Variants in KMT5A observed in about 807,000 individuals in gnomAD.
KMT5A encodes the protein N-lysine methyltransferase KMT5A.
Under a neutral mutation model 40.6 loss-of-function variants are expected in KMT5A, and 6 were observed. That is an observed-to-expected ratio of 0.15 (90% CI 0.08 to 0.29). The LOEUF is 0.29. Among genes scored for constraint, KMT5A ranks in the 10% least tolerant of loss-of-function variants. KMT5A has a pLI of 1.00. For missense variants in KMT5A, 308 were observed against 459.1 expected, an observed-to-expected ratio of 0.67 and a Z score of 3.01; for synonymous variants, 153 against 178.8, an observed-to-expected ratio of 0.86 and a Z score of 1.15.
intron 4 of KMT5A, among the ~76,000 whole-genome samples, chr12:123,395,827 T>G (rs1877680763): frequency 6.6e-6 from 1 of 152,088 alleles, no homozygotes; most frequent in South Asian, 2.1e-4. Flanking sequence ...CCTCCCAAAG[T>G]CCTGGGATTA....
At chr12:123,393,054 T>C (rs1877429143) in intron 3 of KMT5A, among the ~76,000 whole-genome samples, 1 of 152,110 alleles carries the variant, frequency 6.6e-6, no homozygotes, top group African/African-American at 2.4e-5. Context: ...TTTTTTGTAT[T>C]TTCAGTAGAG....
At chr12:123,405,515 T>C (rs28396456) in intron 7 of KMT5A, among the ~76,000 whole-genome samples, 423 of 22,672 alleles carry the variant, frequency 0.019, 144 homozygotes, top group Non-Finnish European at 0.043. Context: ...ATCGCCTGCT[T>C]CCTTTTTTTT....
intron 7 of KMT5A, among the ~76,000 whole-genome samples, chr12:123,406,413 T>C (rs1487201386): frequency 1.3e-5 from 2 of 151,824 alleles, no homozygotes; most frequent in Non-Finnish European, 2.9e-5. Context: ...TTCCGAAGTT[T>C]AAGCAATTCT....
intron 6 of KMT5A, 63 bp downstream of exon 6, chr12:123,403,695 C>T: frequency 6.3e-7 from 1 of 1,599,344 alleles, no homozygotes; most frequent in East Asian, 2.2e-5. Context: ...TTCCCTGGTC[C>T]CGTGGCTGAG....
chr12:123,388,495 C>T (rs557021865), intron 1 of KMT5A: 1 of 152,380 alleles, frequency 6.6e-6, no homozygotes, highest in African/African-American at 2.4e-5. Flanking sequence ...GGCCCCATCA[C>T]TTCCTAGTTC....
chr12:123,407,073 C>T (rs1034481687), intron 7 of KMT5A, among the ~76,000 whole-genome samples: 9 of 146,022 alleles, frequency 6.2e-5, no homozygotes, highest in South Asian at 2.2e-4. Flanking sequence ...CCTGGTGGCT[C>T]GTGCTTGTAA....
At chr12:123,399,484 C>A (rs1877987468) in intron 5 of KMT5A, among the ~76,000 whole-genome samples, 1 of 152,226 alleles carries the variant, frequency 6.6e-6, no homozygotes, top group African/African-American at 2.4e-5. Flanking sequence ...GAAAAACCCC[C>A]ATTCCACTAC....
intron 6 of KMT5A, among the ~76,000 whole-genome samples, chr12:123,404,248 T>C (rs1341471126): frequency 6.6e-6 from 1 of 152,200 alleles, no homozygotes; most frequent in Non-Finnish European, 1.5e-5. Flanking sequence ...AGAAGTACTC[T>C]CTACAGTGGG....
intron 1 of KMT5A, among the ~76,000 whole-genome samples, chr12:123,385,966 C>T (rs1056861563): frequency 3.3e-5 from 5 of 152,082 alleles, no homozygotes; most frequent in Admixed American, 6.6e-5. Flanking sequence ...GAAGAGGAAG[C>T]GTGAAGTCCA....
intron 5 of KMT5A, 112 bp from the exon 6 acceptor site, chr12:123,403,461 C>T (rs901941187): frequency 5.3e-6 from 6 of 1,137,418 alleles, no homozygotes; most frequent in East Asian, 4.8e-5. Flanking sequence ...CCAAATGAGG[C>T]CGATTGTGGC....
chr12:123,397,916 G>T (rs1356840692), intron 5 of KMT5A, among the ~76,000 whole-genome samples: 1 of 150,660 alleles, frequency 6.6e-6, no homozygotes. Context: ...CGGGTGATCC[G>T]CCCACCTCAG....
intron 1 of KMT5A, 54 bp from the exon 2 acceptor site, chr12:123,389,379 C>T (rs1176943816): frequency 9.8e-7 from 1 of 1,018,206 alleles, no homozygotes; most frequent in East Asian, 9.0e-5. Flanking sequence ...CGCTCCCCGC[C>T]CCGCCGCGCC....
In KMT5A at chr12:123,397,921, C is replaced by T. The variant is rs562784287; in HGVS notation, c.597+1489C>T. 3.6e-4 allele frequency among the ~76,000 whole-genome samples: 55 copies of T among 151,518 alleles called. No homozygotes were observed. The East Asian group carries it at 0.01, about 29-fold the overall frequency. ...CTCTCGACCTCGGGTGATCCGCCCA[C>T]CTCAGCCTCCCAAAGTGCTGGGATT... On this transcript the variant is annotated intron_variant, in intron 5 of 7. Coordinates refer to ENST00000402868, the MANE Select transcript of KMT5A (RefSeq NM_020382.7).
rs1237345729 is a variant in KMT5A at position 123,384,927 on chromosome 12, C to T, written c.10+719C>T. ...TAGTTGGCTGTCAGGACAGTGCCTC[C>T]CAGGTATGCGGCAAAGAGATCTCCA... On this transcript the variant is annotated intron_variant, in intron 1 of 7. Coordinates refer to ENST00000402868, the MANE Select transcript of KMT5A (RefSeq NM_020382.7). This position sits in a 1 kb window ranked among gnomAD's most constrained non-coding sequence, Gnocchi z 5.7. 6.6e-6 allele frequency among the ~76,000 whole-genome samples: 1 copy of T among 152,132 alleles called. No homozygotes were observed. Among genetic ancestry groups the T allele is most frequent in the Admixed American group, 6.6e-5 (1 of 15,264 alleles).
At chr12:123,399,434 C>T (rs1877982194) in intron 5 of KMT5A, among the ~76,000 whole-genome samples, 1 of 152,252 alleles carries the variant, frequency 6.6e-6, no homozygotes, top group South Asian at 2.1e-4. Flanking sequence ...GTCCCAGCTT[C>T]CCTCTGCGCA....
intron 1 of KMT5A, among the ~76,000 whole-genome samples, chr12:123,385,711 C>T (rs1289833841): frequency 6.6e-6 from 1 of 152,016 alleles, no homozygotes; most frequent in Non-Finnish European, 1.5e-5. Context: ...ATTAGCCGGG[C>T]ATGGCAGCGC....
rs779661668 is a variant in KMT5A at position 123,396,325 on chromosome 12, C to A, written c.510-20C>A. ...TTTTCAGTCCTGATATTTATTTTCT[C>A]CTCTTCCCCTCTTACCCAGAGCTCA... is the stretch of plus-strand genomic sequence containing the variant. On this transcript the variant is annotated intron_variant, in intron 4 of 7. Coordinates refer to ENST00000402868, the MANE Select transcript of KMT5A (RefSeq NM_020382.7). 6 of 1,611,064 alleles carry A rather than the reference C, an allele frequency of 3.7e-6. No homozygotes were observed. Among genetic ancestry groups the A allele is most frequent in the Non-Finnish European group, 5.1e-6 (6 of 1,179,144 alleles).
chr12:123,399,712 C>A (rs1444489123), intron 5 of KMT5A, among the ~76,000 whole-genome samples: 1 of 152,140 alleles, frequency 6.6e-6, no homozygotes, highest in African/African-American at 2.4e-5. Flanking sequence ...GAGTAATTAA[C>A]AACAAAAAAG....
chr12:123,394,320 C>G (rs1428219141), intron 3 of KMT5A, among the ~76,000 whole-genome samples: 2 of 152,086 alleles, frequency 1.3e-5, no homozygotes, highest in Admixed American at 6.6e-5. Context: ...CCAGGCTGGT[C>G]TTGAACTCCC....
Sources: gnomAD v4.1 joint callset for allele counts (sites outside exome capture counted in the v4.1 genomes callset) on GRCh38, gnomAD v4.1.1 for gene constraint, Gnocchi (gnomAD v3.1) non-coding constraint, MANE v1.5 for transcripts, NCBI Gene and HGNC (gene_info 2026-07-23, HGNC 2026-07-21) for gene names.